AGO3: variants seen among roughly 807,000 people sequenced by gnomAD.
The protein encoded by AGO3 is protein argonaute-3.
In AGO3, 16 loss-of-function variants were observed where a neutral mutation model predicts 105.5. The observed-to-expected ratio is 0.15, with a 90% confidence interval of 0.10 to 0.23. The LOEUF (loss-of-function observed/expected upper bound fraction) is 0.23, where lower values mean the gene tolerates loss of function less well. AGO3 is among the 10% of genes least tolerant of loss of function. AGO3 has a pLI of 1.00. For missense variants in AGO3, 534 were observed against 1,088.0 expected (o/e 0.49, Z 7.16); for synonymous variants, 340 against 367.3 (o/e 0.93, Z 0.85).
chr1:35,938,428 A>G (rs534256784), intron 1 of AGO3, among the ~76,000 whole-genome samples: 1 of 152,342 alleles, frequency 6.6e-6, no homozygotes, highest in Non-Finnish European at 1.5e-5. Flanking sequence ...TTTCTTGTAT[A>G]TCTTCCCAGA....
chr1:35,969,871 G>T (rs893744460), intron 3 of AGO3, among the ~76,000 whole-genome samples: 3 of 152,128 alleles, frequency 2.0e-5, no homozygotes, highest in Non-Finnish European at 2.9e-5. Flanking sequence ...GTATCTAAAC[G>T]TATCTAACTA....
chr1:36,040,307 G>A lies in AGO3; in HGVS notation c.2038G>A (p.Val680Ile). 1 of 1,612,358 alleles carries A rather than the reference G, an allele frequency of 6.2e-7. No homozygotes were observed. The highest frequency in any genetic ancestry group is 8.5e-7 in the Non-Finnish European group (1 of 1,178,736). The change falls in exon 16 of 19, where the codon GTA (valine) becomes ATA (isoleucine). Residue 680 changes from valine (V) to isoleucine (I), a missense_variant and splice_region_variant. By Grantham distance (29) the Val-to-Ile change is conservative (BLOSUM62 3). This residue lies in a region of AGO3 where 373 missense variants were observed against 854.0 expected (regional missense o/e 0.44). Transcript: ENST00000373191. ...AATCTTTCCATTTCATATTCTCTAG[G>A]TATTATATTATGAACTACTAGCAAT... The part of the protein sequence containing the change: ...DGVSEGQFRQ[V>I]LYYELLAIRE...
rs144596053 is a variant in AGO3, at chr1:36,072,288, G to T, written c.*16543G>T. The T allele has an allele frequency of 1.2e-3, 187 of 152,300 alleles. 1 individual carries two copies. Among genetic ancestry groups the T allele is most frequent in the African/African-American group, 4.3e-3 (178 of 41,578 alleles). The allele number at this position is 152,300 out of a possible 1,614,324, so 9.4% of individuals were successfully genotyped here. A position where few individuals can be genotyped will look rare whatever the true frequency, so the allele number is the denominator to read the frequency against. On this transcript the variant is annotated 3_prime_UTR_variant, in exon 19 of 19. Coordinates refer to ENST00000373191, the MANE Select transcript of AGO3 (RefSeq NM_024852.4). The stretch of plus-strand genomic sequence containing the variant: ...AATAACAACAACAACAAAAGAAATT[G>T]TCATGATTCTTTCTGAGCCAAACTG...
chr1:35,982,981 G>A (rs1647081660), intron 5 of AGO3: 1 of 203,388 alleles, frequency 4.9e-6, no homozygotes, highest in African/African-American at 2.3e-5. Flanking sequence ...AATTGTAGGG[G>A]CTAGCTAGGC....
chr1:35,956,650 T>C (rs1357066825), intron 2 of AGO3, among the ~76,000 whole-genome samples: 1 of 151,434 alleles, frequency 6.6e-6, no homozygotes, highest in African/African-American at 2.4e-5. Flanking sequence ...TTTTTTTTTT[T>C]TTCTTTTGGA....
intron 2 of AGO3, among the ~76,000 whole-genome samples, chr1:35,956,734 C>T (rs548033059): frequency 6.6e-6 from 1 of 151,658 alleles, no homozygotes; most frequent in Non-Finnish European, 1.5e-5. Flanking sequence ...CTGCAACCTC[C>T]GCCTTCCAGG....
chr1:35,985,756 G>GA (rs538823081), intron 5 of AGO3, among the ~76,000 whole-genome samples: 14 of 152,120 alleles, frequency 9.2e-5, no homozygotes, highest in African/African-American at 3.4e-4. Flanking sequence ...AACTGCAAAG[G>GA]AAAATACTGA....
intron 2 of AGO3, among the ~76,000 whole-genome samples, chr1:35,951,677 C>G (rs1311384193): frequency 1.3e-5 from 2 of 152,176 alleles, no homozygotes; most frequent in Non-Finnish European, 2.9e-5. Flanking sequence ...GTTTGAGCCA[C>G]TGCACCCAGA....
Position 35,943,301 on chromosome 1 carries a change from C to CTT in AGO3, c.20-2374_20-2373dup, listed in dbSNP as rs533801617. Among the ~76,000 whole-genome samples the CTT allele has an allele frequency of 6.7e-3, 836 of 124,384 alleles. 8 individuals carry two copies. Among genetic ancestry groups the CTT allele is most frequent in the African/African-American group, 0.021 (717 of 33,520 alleles). 81.6% of individuals were successfully genotyped at this position (124,384 alleles called of 152,430 possible). On this transcript the variant is annotated intron_variant, in intron 1 of 18. Transcript: ENST00000373191. ...GGGATTACAGGCGTGCCATGCCCAT[C>CTT]TTTTTTTTTTTTTTTTTTGGGACAG... is the stretch of plus-strand genomic sequence containing the variant.
intron 11 of AGO3, among the ~76,000 whole-genome samples, chr1:36,016,993 C>A (rs1640938769): frequency 6.6e-6 from 1 of 151,996 alleles, no homozygotes; most frequent in African/African-American, 2.4e-5. Context: ...AAGAGTGTGA[C>A]CAAAACTTAG....
intron 11 of AGO3, among the ~76,000 whole-genome samples, chr1:36,016,867 T>C (rs887404287): frequency 1.3e-5 from 2 of 152,212 alleles, no homozygotes; most frequent in Non-Finnish European, 2.9e-5. Flanking sequence ...CATGAGTGAC[T>C]CCATTTTGGT....
At chr1:35,987,609 C>A (rs1647247174) in intron 5 of AGO3, among the ~76,000 whole-genome samples, 1 of 151,752 alleles carries the variant, frequency 6.6e-6, no homozygotes, top group South Asian at 2.1e-4. Flanking sequence ...ACACCAATTT[C>A]AAGATTTTGG....
intron 17 of AGO3, among the ~76,000 whole-genome samples, chr1:36,044,235 T>C (rs1445362418): frequency 6.6e-6 from 1 of 152,052 alleles, no homozygotes; most frequent in Non-Finnish European, 1.5e-5. Context: ...GTCTCAGCTA[T>C]TCAGGAGGCT....
chr1:35,987,202 C>T (rs904182202), intron 5 of AGO3, among the ~76,000 whole-genome samples: 7 of 148,632 alleles, frequency 4.7e-5, no homozygotes, highest in Admixed American at 1.3e-4. Flanking sequence ...GTGGCACGCA[C>T]CTGTAGTCCC....
intron 2 of AGO3, among the ~76,000 whole-genome samples, chr1:35,961,468 A>G (rs1222931141): frequency 2.6e-5 from 4 of 152,126 alleles, no homozygotes; most frequent in Admixed American, 2.6e-4. Context: ...CAAAATGTCT[A>G]ATGTTCCAAC....
chr1:36,040,240 T>C, intron 15 of AGO3, 67 bp from the exon 16 acceptor site: 1 of 1,496,068 alleles, frequency 6.7e-7, no homozygotes, highest in Non-Finnish European at 9.1e-7. Context: ...TAAATCATTA[T>C]CCTACTTTGA....
At chr1:36,010,089 C>T (rs1307487725) in intron 9 of AGO3, among the ~76,000 whole-genome samples, 2 of 151,862 alleles carry the variant, frequency 1.3e-5, no homozygotes, top group Non-Finnish European at 2.9e-5. Flanking sequence ...CAGGCGCATG[C>T]CACCACGCCT....
Position 36,008,592 on chromosome 1 carries a change from G to C in AGO3, c.794-98G>C. 1 of 1,144,116 alleles carries C rather than the reference G, an allele frequency of 8.7e-7. No homozygotes were observed. The highest frequency in any genetic ancestry group is 1.3e-6 in the Non-Finnish European group (1 of 799,244). 70.9% of individuals were successfully genotyped at this position (1,144,116 alleles called of 1,614,324 possible). The stretch of plus-strand genomic sequence containing the variant: ...GCCTGTATCACAGAATTTTTTGTCT[G>C]TTCAGAATTGAGTTTTTATGGTAAT... On this transcript the variant is annotated intron_variant, in intron 6 of 18. Transcript: ENST00000373191. The surrounding 1 kb of genome is among the most constrained non-coding windows in gnomAD (Gnocchi z 5.1).
chr1:36,028,116 A>G (rs1380818987), intron 12 of AGO3, among the ~76,000 whole-genome samples: 1 of 152,092 alleles, frequency 6.6e-6, no homozygotes, highest in African/African-American at 2.4e-5. Flanking sequence ...ATCATGGCTT[A>G]CTGCAGCCTT....
Sources: gnomAD v4.1 joint callset for allele counts (sites outside exome capture counted in the v4.1 genomes callset) on GRCh38, gnomAD v4.1.1 for gene constraint, gnomAD v4.1.1 regional missense constraint, Gnocchi (gnomAD v3.1) non-coding constraint, MANE v1.5 for transcripts, NCBI Gene and HGNC (gene_info 2026-07-23, HGNC 2026-07-21) for gene names.